The following CNIH3 variants were observed in gnomAD, a reference collection of about 807,000 sequenced individuals.
CNIH3 encodes the protein cornichon family AMPA receptor auxiliary protein 3.
CNIH3 carries 14 observed loss-of-function variants against 24.1 expected under a neutral mutation model. The ratio of observed to expected loss-of-function variants is 0.58; its 90% CI spans 0.38 to 0.91. The LOEUF is 0.91. CNIH3 is among the 40% of genes least tolerant of loss of function. The probability of loss-of-function intolerance (pLI) is 0.00; values close to 1 mark genes in which losing one functional copy is unlikely to be tolerated. For missense variants in CNIH3, 178 were observed against 196.8 expected (o/e 0.90, Z 0.57); for synonymous variants, 68 against 73.8 (o/e 0.92, Z 0.40).
At chr1:224,620,067 T>C (rs1165219246) in intron 1 of CNIH3, among the ~76,000 whole-genome samples, 6 of 152,258 alleles carry the variant, frequency 3.9e-5, no homozygotes, top group Non-Finnish European at 8.8e-5. Flanking sequence ...TCTTGTTTTT[T>C]ACTTTGAAAA....
intron 4 of CNIH3, among the ~76,000 whole-genome samples, chr1:224,577,068 A>T (rs553863709): frequency 1.3e-5 from 2 of 152,210 alleles, no homozygotes; most frequent in Non-Finnish European, 2.9e-5. Flanking sequence ...TCAACTTAAG[A>T]TGGATAAAGA....
intron 1 of CNIH3, among the ~76,000 whole-genome samples, chr1:224,440,145 T>A (rs932745082): frequency 6.6e-6 from 1 of 152,200 alleles, no homozygotes; most frequent in Non-Finnish European, 1.5e-5. Flanking sequence ...ATGGTCTCGA[T>A]CTCTTGACCT....
intron 1 of CNIH3, among the ~76,000 whole-genome samples, chr1:224,680,350 GTGT>G (rs999923409): frequency 6.8e-4 from 103 of 152,322 alleles, no homozygotes; most frequent in Non-Finnish European, 1.1e-3. Context: ...TATCGGGAAA[GTGT>G]TGTTCTCTGG....
chr1:224,709,783 G>A (rs1688033780), intron 3 of CNIH3, among the ~76,000 whole-genome samples: 1 of 152,116 alleles, frequency 6.6e-6, no homozygotes, highest in South Asian at 2.1e-4. Context: ...AGGGTTCAGG[G>A]TTCTCTCTTC....
At chr1:224,729,494 A>G (rs1689208764) in intron 3 of CNIH3, among the ~76,000 whole-genome samples, 1 of 150,828 alleles carries the variant, frequency 6.6e-6, no homozygotes, top group Non-Finnish European at 1.5e-5. Context: ...GATGGGAAGA[A>G]CAAAGTATTC....
chr1:224,454,437 C>G (rs1675562585), intron 1 of CNIH3: 1 of 508,324 alleles, frequency 2.0e-6, no homozygotes, highest in Non-Finnish European at 2.5e-6. Context: ...TCTCTTGTTT[C>G]TATTGGTGTA....
chr1:224,475,329 C>T (rs1453554420), intron 1 of CNIH3, among the ~76,000 whole-genome samples: 1 of 142,698 alleles, frequency 7.0e-6, no homozygotes, highest in Admixed American at 7.4e-5. Flanking sequence ...GCAGTCCAGC[C>T]GGGGCGACAG....
chr1:224,683,276 T>C (rs1198596406), intron 2 of CNIH3, among the ~76,000 whole-genome samples: 3 of 152,194 alleles, frequency 2.0e-5, no homozygotes, highest in Admixed American at 6.5e-5. Context: ...ATAAAGACTC[T>C]AGGTGCCCCA....
At chr1:224,699,856 A>G (rs1235777531) in intron 3 of CNIH3, among the ~76,000 whole-genome samples, 1 of 152,150 alleles carries the variant, frequency 6.6e-6, no homozygotes, top group Non-Finnish European at 1.5e-5. Context: ...CTTTGGGTTG[A>G]ATGAAGGTTG....
At chr1:224,491,308 A>G (rs1388843337) in intron 1 of CNIH3, among the ~76,000 whole-genome samples, 1 of 152,204 alleles carries the variant, frequency 6.6e-6, no homozygotes, top group Non-Finnish European at 1.5e-5. Context: ...CTGATATTCC[A>G]TAAACCACAG....
At chr1:224,568,353 C>T (rs1482512678) in intron 4 of CNIH3, among the ~76,000 whole-genome samples, 4 of 151,994 alleles carry the variant, frequency 2.6e-5, no homozygotes, top group Non-Finnish European at 5.9e-5. Flanking sequence ...AGAATGGGCA[C>T]CTAATAGATG....
chr1:224,723,757 G>A (rs972271802), intron 3 of CNIH3, among the ~76,000 whole-genome samples: 32 of 152,246 alleles, frequency 2.1e-4, no homozygotes, highest in African/African-American at 7.0e-4. Context: ...GGCCCCAGTG[G>A]TCAGCCATGA....
At chr1:224,461,304 C>A (rs1044852877) in intron 1 of CNIH3, among the ~76,000 whole-genome samples, 9 of 152,192 alleles carry the variant, frequency 5.9e-5, no homozygotes, top group Admixed American at 2.0e-4. Context: ...TGCCTGGCCT[C>A]CATTGTATAT....
intron 1 of CNIH3, among the ~76,000 whole-genome samples, chr1:224,659,231 T>G (rs536931853): frequency 6.6e-6 from 1 of 152,314 alleles, no homozygotes; most frequent in East Asian, 1.9e-4. Context: ...TGTCAGTGTT[T>G]AGGTTGTAGC....
intron 4 of CNIH3, among the ~76,000 whole-genome samples, chr1:224,573,405 G>A (rs562321362): frequency 1.3e-5 from 2 of 152,274 alleles, no homozygotes; most frequent in East Asian, 3.9e-4. Context: ...ACTAGGCATA[G>A]AGGAAAAGCC....
At chr1:224,646,168 A>G (rs1255274547) in intron 1 of CNIH3, among the ~76,000 whole-genome samples, 1 of 130,368 alleles carries the variant, frequency 7.7e-6, no homozygotes, top group Non-Finnish European at 1.6e-5. Flanking sequence ...GGTTCAATTC[A>G]AGGTCACGTT....
At chr1:224,476,954 G>T (rs569186390) in intron 1 of CNIH3, among the ~76,000 whole-genome samples, 69 of 152,278 alleles carry the variant, frequency 4.5e-4, no homozygotes, top group African/African-American at 1.6e-3. Flanking sequence ...GGGAACTGGG[G>T]GAAAGCCGGC....
rs576745557 is a variant in CNIH3 at position 224,611,132 on chromosome 1, G to A, written n.402+44868G>A. On this transcript the variant is annotated intron_variant and non_coding_transcript_variant, in intron 3 of 7. Transcript: ENST00000478120. ...GCCAAATGTTAGAGTTCTGGCCAAT[G>A]AGATGTAGCAGATCTCTGGAGAGGG... Among the ~76,000 whole-genome samples the A allele has an allele frequency of 9.2e-5, 14 of 152,338 alleles. No individual in the cohort carries two copies. In the East Asian group the frequency reaches 2.7e-3, roughly 29 times the overall value.
chr1:224,674,211 C>T (rs1185093192), intron 1 of CNIH3, among the ~76,000 whole-genome samples: 1 of 146,788 alleles, frequency 6.8e-6, no homozygotes, highest in African/African-American at 2.5e-5. Context: ...ATGGGGCAGC[C>T]CTGGGGACTC....
Sources: allele counts gnomAD v4.1 joint callset (sites outside exome capture counted in the v4.1 genomes callset), GRCh38; gene constraint gnomAD v4.1.1; transcripts MANE v1.5; gene names NCBI Gene and HGNC (gene_info 2026-07-23, HGNC 2026-07-21).